ADGRL3: variants seen among roughly 807,000 people sequenced by gnomAD.
ADGRL3 encodes adhesion G protein-coupled receptor L3.
Under a neutral mutation model 153.5 loss-of-function variants are expected in ADGRL3, and 62 were observed. The ratio of observed to expected loss-of-function variants is 0.40; its 90% confidence interval spans 0.33 to 0.50. The LOEUF (loss-of-function observed/expected upper bound fraction) is 0.50, where lower values mean the gene tolerates loss of function less well. Among genes scored for constraint, ADGRL3 ranks in the 20% least tolerant of loss-of-function variants. The pLI, the probability that ADGRL3 is intolerant of heterozygous loss-of-function variation, is 0.47. For synonymous variants in ADGRL3, 710 were observed against 672.5 expected (o/e 1.06, Z -0.86); for missense variants, 1,641 against 1,859.4 (o/e 0.88, Z 2.16).
intron 1 of ADGRL3, among the ~76,000 whole-genome samples, chr4:61,268,919 C>T (rs909648987): frequency 8.6e-5 from 13 of 151,630 alleles, no homozygotes; most frequent in Non-Finnish European, 1.9e-4. Context: ...TCAACTCATT[C>T]ATCATTTGCC....
chr4:61,449,657 C>G (rs2097650438), intron 2 of ADGRL3, among the ~76,000 whole-genome samples: 1 of 152,130 alleles, frequency 6.6e-6, no homozygotes, highest in Admixed American at 6.6e-5. Context: ...ATAATATTCT[C>G]TAACTTGACT....
intron 2 of ADGRL3, among the ~76,000 whole-genome samples, chr4:61,432,014 A>G (rs1339572678): frequency 2.0e-5 from 3 of 152,200 alleles, no homozygotes; most frequent in Non-Finnish European, 2.9e-5. Flanking sequence ...TTATATTAAC[A>G]AAATGGACCT....
intron 8 of ADGRL3, among the ~76,000 whole-genome samples, chr4:61,767,578 G>T (rs1348985876): frequency 6.6e-6 from 1 of 152,288 alleles, no homozygotes; most frequent in East Asian, 1.9e-4. Context: ...GGTAAGCCAA[G>T]AAGGAGTCAG....
intron 4 of ADGRL3, among the ~76,000 whole-genome samples, chr4:61,522,304 T>G (rs9918049): frequency 0.022 from 3,317 of 152,260 alleles, 111 homozygotes; most frequent in East Asian, 0.15. Flanking sequence ...CCTGTGTCTT[T>G]TGAGAATGCC....
intron 5 of ADGRL3, among the ~76,000 whole-genome samples, chr4:61,669,018 CA>C (rs911147233): frequency 1.3e-5 from 2 of 151,792 alleles, no homozygotes; most frequent in African/African-American, 4.8e-5. Context: ...GACCCTGTCT[CA>C]AAAAAAATTT....
At chr4:62,033,199 C>A (rs1723100331) in intron 23 of ADGRL3, among the ~76,000 whole-genome samples, 1 of 151,566 alleles carries the variant, frequency 6.6e-6, no homozygotes, top group African/African-American at 2.4e-5. Context: ...AACAGGAAGT[C>A]TGGGAGAGAG....
intron 1 of ADGRL3, among the ~76,000 whole-genome samples, chr4:61,229,286 A>G (rs901570668): frequency 1.3e-5 from 2 of 152,226 alleles, no homozygotes; most frequent in Non-Finnish European, 2.9e-5. Context: ...TGAATAATGA[A>G]TGCTTATAAA....
intron 21 of ADGRL3, among the ~76,000 whole-genome samples, chr4:62,026,158 C>G (rs1377555906): frequency 1.3e-5 from 2 of 152,068 alleles, no homozygotes; most frequent in African/African-American, 4.8e-5. Flanking sequence ...ACAAATCAAG[C>G]CACCGTAAAA....
At chr4:61,216,829 A>G (rs1232696045) in intron 1 of ADGRL3, among the ~76,000 whole-genome samples, 2 of 152,178 alleles carry the variant, frequency 1.3e-5, no homozygotes, top group Non-Finnish European at 2.9e-5. Context: ...TAAAAATAAT[A>G]CCTACCTTTC....
chr4:61,234,816 T>A (rs998203316), intron 1 of ADGRL3, among the ~76,000 whole-genome samples: 1 of 152,178 alleles, frequency 6.6e-6, no homozygotes, highest in African/African-American at 2.4e-5. Context: ...ACAGCAGGTG[T>A]ACATTATTTC....
chr4:61,347,371 C>T (rs549133443), intron 1 of ADGRL3, among the ~76,000 whole-genome samples: 1 of 151,692 alleles, frequency 6.6e-6, no homozygotes, highest in South Asian at 2.1e-4. Context: ...TTTAGGCCAG[C>T]AGGTATCATT....
intron 5 of ADGRL3, among the ~76,000 whole-genome samples, chr4:61,645,682 A>C (rs1003355731): frequency 1.5e-4 from 23 of 151,860 alleles, no homozygotes; most frequent in Non-Finnish European, 2.9e-4. Flanking sequence ...CTTCCCTTTG[A>C]GGGTAACCCG....
intron 25 of ADGRL3, among the ~76,000 whole-genome samples, chr4:62,064,623 G>A (rs1407708939): frequency 6.6e-6 from 1 of 150,602 alleles, no homozygotes; most frequent in East Asian, 1.9e-4. Context: ...AATTTTCTGG[G>A]CAATTTTTAA....
chr4:62,056,906 T>C (rs1737326432), intron 25 of ADGRL3, among the ~76,000 whole-genome samples: 1 of 152,078 alleles, frequency 6.6e-6, no homozygotes, highest in Non-Finnish European at 1.5e-5. Flanking sequence ...TGAGGCATAT[T>C]GCTATATGAC....
intron 11 of ADGRL3, among the ~76,000 whole-genome samples, chr4:61,898,588 G>A (rs79483227): frequency 3.9e-5 from 6 of 151,972 alleles, no homozygotes; most frequent in East Asian, 1.9e-4. Context: ...ACAGCCTGCC[G>A]GGAAGACTGG....
chr4:61,796,346 C>A (rs577280726), intron 8 of ADGRL3, among the ~76,000 whole-genome samples: 1 of 152,166 alleles, frequency 6.6e-6, no homozygotes, highest in South Asian at 2.1e-4. Context: ...TCCACCCCAG[C>A]GTATCTGTTG....
chr4:61,866,566 G>A (rs995517950), intron 9 of ADGRL3, among the ~76,000 whole-genome samples: 28 of 152,156 alleles, frequency 1.8e-4, no homozygotes, highest in Non-Finnish European at 2.9e-4. Flanking sequence ...GGTGCTATTA[G>A]TACTGGCCCA....
At chr4:61,449,833 A>G (rs1049744205) in intron 2 of ADGRL3, among the ~76,000 whole-genome samples, 1 of 152,144 alleles carries the variant, frequency 6.6e-6, no homozygotes, top group African/African-American at 2.4e-5. Context: ...CACACTTAAT[A>G]TTAGTCAATG....
chr4:61,644,755 T>C (rs1490352577), intron 5 of ADGRL3, among the ~76,000 whole-genome samples: 2 of 152,172 alleles, frequency 1.3e-5, no homozygotes, highest in Non-Finnish European at 2.9e-5. Flanking sequence ...AAAAAATGTA[T>C]ATTCTGTTGA....
Sources: allele counts gnomAD v4.1 joint callset (sites outside exome capture counted in the v4.1 genomes callset), GRCh38; gene constraint gnomAD v4.1.1; transcripts MANE v1.5; gene names NCBI Gene and HGNC (gene_info 2026-07-23, HGNC 2026-07-21).